The following INPP5A variants were observed in gnomAD, a reference collection of about 807,000 sequenced individuals.
INPP5A encodes inositol polyphosphate-5-phosphatase A.
A neutral mutation model predicts 65.2 loss-of-function variants in INPP5A; 14 were observed. That is an observed-to-expected ratio of 0.21 (90% CI 0.14 to 0.34). The LOEUF is 0.34. INPP5A is among the 10% of genes least tolerant of loss of function. The pLI is 1.00. For missense variants in INPP5A, 431 were observed against 545.6 expected (o/e 0.79, Z 2.09); for synonymous variants, 207 against 208.3 (o/e 0.99, Z 0.05).
chr10:132,733,362 C>T (rs892663481), intron 9 of INPP5A, among the ~76,000 whole-genome samples: 2 of 152,228 alleles, frequency 1.3e-5, no homozygotes, highest in Admixed American at 1.3e-4. Context: ...AACACTAGCA[C>T]AGAAAACGTT....
At position 132,710,698 on chromosome 10, in the gene INPP5A, TGGCAGGTAGGTGTGCTG is replaced by T. The variant is rs1195122202; in HGVS notation, c.647+257_647+273del. ...GTGTGGATGGAGAGGTAGGTGTGGATGGCAGGTAGGTGTGCTGGGCAGGTAGGTGTGAGTGGAGAGGT... is the reference window on the plus strand; with the variant it reads ...GTGTGGATGGAGAGGTAGGTGTGGATGGCAGGTAGGTGTGAGTGGAGAGGT... On this transcript the variant is annotated intron_variant, in intron 8 of 15. Coordinates refer to ENST00000368594, the MANE Select transcript of INPP5A (RefSeq NM_005539.5). Among the ~76,000 whole-genome samples, 16 of 104,994 alleles carry T rather than the reference TGGCAGGTAGGTGTGCTG, an allele frequency of 1.5e-4. No individual in the cohort carries two copies. The South Asian group carries it at 3.0e-3, about 19-fold the overall frequency. The allele number at this position is 104,994 out of a possible 152,430, so 68.9% of individuals were successfully genotyped here.
At chr10:132,771,831 GGCACTCAGCACTGAC>G (rs1846960262) in intron 12 of INPP5A, among the ~76,000 whole-genome samples, 3 of 123,284 alleles carry the variant, frequency 2.4e-5, no homozygotes, top group Non-Finnish European at 5.2e-5. Context: ...TGAAGAGTGG[GGCACTCAGCACTGAC>G]ACGGAGGCCA....
Position 132,659,333 on chromosome 10 carries a change from G to A in INPP5A, c.306+8828G>A, listed in dbSNP as rs189340075. On this transcript the variant is annotated intron_variant, in intron 4 of 15. Coordinates refer to ENST00000368594, the MANE Select transcript of INPP5A (RefSeq NM_005539.5). The surrounding 1 kb of genome is among the most constrained non-coding windows in gnomAD (Gnocchi z 5.5). ...AAAGATGGAGAGCTGCCATTGGCCCGTAGCTCTGGGGCTGGTCCTGGCCAT... is the reference window on the plus strand; with the variant it reads ...AAAGATGGAGAGCTGCCATTGGCCCATAGCTCTGGGGCTGGTCCTGGCCAT... 2.0e-5 allele frequency among the ~76,000 whole-genome samples: 3 copies of A among 152,210 alleles called. No individual in the cohort carries two copies. The highest frequency in any genetic ancestry group is 1.9e-4 in the East Asian group (1 of 5,196).
At chr10:132,751,672 G>A (rs1398706119) in intron 11 of INPP5A, among the ~76,000 whole-genome samples, 3 of 151,894 alleles carry the variant, frequency 2.0e-5, no homozygotes, top group Non-Finnish European at 4.4e-5. Flanking sequence ...CTTCGTGGAG[G>A]CGAGTGCCCA....
At chr10:132,763,013 A>G (rs866300171) in intron 11 of INPP5A, among the ~76,000 whole-genome samples, 2 of 152,072 alleles carry the variant, frequency 1.3e-5, no homozygotes, top group Non-Finnish European at 2.9e-5. Flanking sequence ...TAACTTAAAA[A>G]CCATACTTGG....
Position 132,546,853 on chromosome 10 carries a change from CTT to C in INPP5A, c.75+8685_75+8686del, listed in dbSNP as rs1366685917. Among the ~76,000 whole-genome samples the C allele has an allele frequency of 6.6e-6, 1 of 152,192 alleles. No individual in the cohort carries two copies. On this transcript the variant is annotated intron_variant, in intron 1 of 15. Transcript: ENST00000368594. The surrounding 1 kb of genome is among the most constrained non-coding windows in gnomAD (Gnocchi z 5.7). ...GCCTGGCTGGTCTTGCCTGGCCCTGCTTTTGGTCCTGTAGGCACCAGGACTGC... is the reference window on the plus strand; with the variant it reads ...GCCTGGCTGGTCTTGCCTGGCCCTGCTTGGTCCTGTAGGCACCAGGACTGC...
intron 1 of INPP5A, among the ~76,000 whole-genome samples, chr10:132,561,259 A>G (rs756382921): frequency 6.6e-6 from 1 of 151,976 alleles, no homozygotes; most frequent in Non-Finnish European, 1.5e-5. Flanking sequence ...TTCAGCTATC[A>G]TAACCAGAAG....
chr10:132,710,508 C>A, intron 8 of INPP5A, 52 bp downstream of exon 8: 2 of 1,590,048 alleles, frequency 1.3e-6, no homozygotes, highest in South Asian at 1.1e-5. Context: ...GTGTGCTGGG[C>A]AGGCAGGTGT....
At chr10:132,635,983 C>CAAAAA (rs202003054) in intron 2 of INPP5A, among the ~76,000 whole-genome samples, 651 of 49,218 alleles carry the variant, frequency 0.013, 8 homozygotes, top group African/African-American at 0.039. Flanking sequence ...ATCTCAAAGA[C>CAAAAA]AAAAAAAAAA....
chr10:132,609,823 T>C (rs1036603309), intron 2 of INPP5A, among the ~76,000 whole-genome samples: 2 of 152,146 alleles, frequency 1.3e-5, no homozygotes, highest in Admixed American at 6.5e-5. Flanking sequence ...TTTTGTATTT[T>C]TAGTAGAGAC....
In INPP5A at chr10:132,636,135, C is replaced by CA. The variant is rs552433693; in HGVS notation, c.118-9726dup. On this transcript the variant is annotated intron_variant, in intron 2 of 15. Transcript: ENST00000368594. The stretch of plus-strand genomic sequence containing the variant: ...AAAATCCCAGTTGGAAATATTATTT[C>CA]AAAAAAATGCTTTATTGGATAAACA... Among the ~76,000 whole-genome samples, 9 of 149,894 alleles carry CA rather than the reference C, an allele frequency of 6.0e-5. No homozygotes were observed. In the Admixed American group the frequency reaches 6.0e-4, roughly 10 times the overall value.
At position 132,675,467 on chromosome 10, in the gene INPP5A, C is replaced by T. The variant is rs1590916040; in HGVS notation, c.307-14925C>T. Among the ~76,000 whole-genome samples, 1 of 152,256 alleles carries T rather than the reference C, an allele frequency of 6.6e-6. No individual in the cohort carries two copies. The highest frequency in any genetic ancestry group is 2.4e-5 in the African/African-American group (1 of 41,534). ...CAGTTGGGGGAAGCGGGCAAATGGCCATGGGCATTGGTTGTGTAAACCGAG... is the reference window on the plus strand; with the variant it reads ...CAGTTGGGGGAAGCGGGCAAATGGCTATGGGCATTGGTTGTGTAAACCGAG... On this transcript the variant is annotated intron_variant, in intron 4 of 15. Transcript: ENST00000368594. This position sits in a 1 kb window ranked among gnomAD's most constrained non-coding sequence, Gnocchi z 4.2.
intron 12 of INPP5A, among the ~76,000 whole-genome samples, chr10:132,774,751 A>G (rs1366472634): frequency 2.0e-5 from 3 of 151,578 alleles, no homozygotes; most frequent in East Asian, 2.0e-4. Flanking sequence ...ACAGCAAACA[A>G]TCTGCCGTGC....
intron 9 of INPP5A, among the ~76,000 whole-genome samples, chr10:132,743,998 C>T (rs1000848348): frequency 2.6e-5 from 4 of 152,228 alleles, no homozygotes; most frequent in Admixed American, 6.5e-5. Flanking sequence ...CCAGCCACAG[C>T]GGATTTGCAC....
At chr10:132,593,542 G>GA (rs905237662) in intron 1 of INPP5A, among the ~76,000 whole-genome samples, 2 of 152,172 alleles carry the variant, frequency 1.3e-5, no homozygotes, top group African/African-American at 4.8e-5. Flanking sequence ...TTTTGTGTGA[G>GA]AAAGTTTATT....
chr10:132,625,873 TGTG>T (rs2072177206), intron 2 of INPP5A, among the ~76,000 whole-genome samples: 2 of 143,102 alleles, frequency 1.4e-5, no homozygotes, highest in Admixed American at 1.4e-4. Flanking sequence ...TGTGTGTGTG[TGTG>T]TTTGTGTGTG....
At chr10:132,696,544 T>G (rs1253772013) in intron 5 of INPP5A, among the ~76,000 whole-genome samples, 1 of 152,184 alleles carries the variant, frequency 6.6e-6, no homozygotes, top group Non-Finnish European at 1.5e-5. Context: ...CTGACACACC[T>G]GCTACCAATG....
chr10:132,713,057 T>A (rs982526634), intron 8 of INPP5A, among the ~76,000 whole-genome samples: 1 of 151,348 alleles, frequency 6.6e-6, no homozygotes, highest in Non-Finnish European at 1.5e-5. Flanking sequence ...TGTGTGTGCA[T>A]ATGTGGGGAG....
chr10:132,569,546 C>T (rs569965814), intron 1 of INPP5A, among the ~76,000 whole-genome samples: 5 of 152,252 alleles, frequency 3.3e-5, no homozygotes, highest in South Asian at 2.1e-4. Flanking sequence ...TTTGTAGAGA[C>T]GGGGTCTCAG....
Sources: gnomAD v4.1 joint callset for allele counts (sites outside exome capture counted in the v4.1 genomes callset) on GRCh38, gnomAD v4.1.1 for gene constraint, Gnocchi (gnomAD v3.1) non-coding constraint, MANE v1.5 for transcripts, NCBI Gene and HGNC (gene_info 2026-07-23, HGNC 2026-07-21) for gene names.